MAMLD1: variants seen among roughly 807,000 people sequenced by gnomAD.
The protein encoded by MAMLD1 is mastermind-like domain-containing protein 1.
MAMLD1 carries 14 observed loss-of-function variants against 45.0 expected under a neutral mutation model. That is an observed-to-expected ratio of 0.31 (90% CI 0.21 to 0.49). The LOEUF (loss-of-function observed/expected upper bound fraction) is 0.49. Ranked by LOEUF, MAMLD1 falls within the 20% of genes least tolerant of loss-of-function variation. The pLI, the probability that MAMLD1 is intolerant of heterozygous loss-of-function variation, is 0.99. For missense variants in MAMLD1, 543 were observed against 603.6 expected (o/e 0.90, Z 1.05); for synonymous variants, 254 against 247.8 (o/e 1.02, Z -0.24).
Position 150,512,243 on chromosome X carries a change from C to A in MAMLD1, c.*284C>A, listed in dbSNP as rs2037921984. On this transcript the variant is annotated 3_prime_UTR_variant, in exon 8 of 8. Transcript: ENST00000370401. ...CATCCTCTCACACTCAGGCCAGACTCCCCTGGGCAGACTTGACTCTGTCTG... is the reference window on the plus strand; with the variant it reads ...CATCCTCTCACACTCAGGCCAGACTACCCTGGGCAGACTTGACTCTGTCTG... 1.8e-6 allele frequency: 2 copies of A among 1,115,320 alleles called. No homozygotes were observed. The allele number at this position is 1,115,320 out of a possible 1,213,427, so 91.9% of individuals were successfully genotyped here.
chrX:150,428,185 G>A (rs2124566773), intron 1 of MAMLD1, among the ~76,000 whole-genome samples: 1 of 111,433 alleles, frequency 9.0e-6, no homozygotes, highest in Non-Finnish European at 1.9e-5. Flanking sequence ...AGAGCCTGAT[G>A]TGGGAAAAGA....
rs1313079728 is a variant in MAMLD1 at position 150,470,727 on chromosome X, A to G, written c.1154A>G (p.Asn385Ser). ...LSGSTLRGSP[N>S]ALLSSMTSSS... ...GGTAGCACTCTCCGAGGCTCTCCCA[A>G]TGCCTTACTGTCAAGCATGACGTCC... Residue 385 changes from asparagine (N) to serine (S), a missense_variant, in exon 4 of 8, where the codon AAT becomes AGT. By Grantham distance (46) the Asn-to-Ser change is conservative (BLOSUM62 1). Transcript: ENST00000370401. The G allele has an allele frequency of 1.7e-6, 2 of 1,211,644 alleles. No individual in the cohort carries two copies. The highest frequency in any genetic ancestry group is 5.9e-5 in the East Asian group (2 of 33,836).
chrX:150,402,683 C>T (rs1286425167), intron 1 of MAMLD1, among the ~76,000 whole-genome samples: 4 of 112,141 alleles, frequency 3.6e-5, no homozygotes, highest in Non-Finnish European at 7.5e-5. Context: ...AAATGTCCAA[C>T]AGTGATAGAC....
chrX:150,505,977 C>A (rs782608876), intron 6 of MAMLD1, among the ~76,000 whole-genome samples: 1 of 112,729 alleles, frequency 8.9e-6, no homozygotes, highest in South Asian at 3.7e-4. Flanking sequence ...GGGGTCCCCA[C>A]AACTCAGATC....
rs782384262 is a variant in MAMLD1 at position 150,479,255 on chromosome X, G to A, written c.2040+5453G>A. Among the ~76,000 whole-genome samples, 36 of 111,615 alleles carry A rather than the reference G, an allele frequency of 3.2e-4. No individual in the cohort carries two copies. The South Asian group carries it at 0.014, about 42-fold the overall frequency. On this transcript the variant is annotated intron_variant, in intron 5 of 7. Transcript: ENST00000370401. ...AAGTGAGACGACACTTTCAAATGAA[G>A]GTGACTTTACATTGTTCCCCTGGAG...
At chrX:150,449,951 G>A (rs1557404983) in intron 2 of MAMLD1, among the ~76,000 whole-genome samples, 1 of 111,737 alleles carries the variant, frequency 8.9e-6, no homozygotes, top group African/African-American at 3.3e-5. Context: ...CTTCCCCAGG[G>A]TGGAGACTGA....
Position 150,368,323 on chromosome X carries a change from T to G in MAMLD1, c.-64+4793T>G, listed in dbSNP as rs781898399. 9.3e-3 allele frequency among the ~76,000 whole-genome samples: 1,039 copies of G among 111,567 alleles called. 9 individuals are homozygous for G. The highest frequency in any genetic ancestry group is 0.033 in the African/African-American group (1,006 of 30,743). The stretch of plus-strand genomic sequence containing the variant: ...CTCTGATGGCCAGTGATGATGAGCA[T>G]TTTTTCATGTGTCTGCTGGCTGCGT... On this transcript the variant is annotated intron_variant, in intron 1 of 7. Coordinates refer to ENST00000370401, the MANE Select transcript of MAMLD1 (RefSeq NM_005491.5).
intron 5 of MAMLD1, among the ~76,000 whole-genome samples, chrX:150,498,884 C>A (rs1220987892): frequency 8.9e-6 from 1 of 112,402 alleles, no homozygotes; most frequent in Non-Finnish European, 1.9e-5. Flanking sequence ...AGCCAAGAAG[C>A]GTGACTTACA....
At chrX:150,423,661 A>G (rs1207136542) in intron 1 of MAMLD1, among the ~76,000 whole-genome samples, 4 of 110,061 alleles carry the variant, frequency 3.6e-5, no homozygotes, top group Non-Finnish European at 7.6e-5. Flanking sequence ...AATGAGTGGT[A>G]TGTTGTGTCC....
chrX:150,489,283 C>A (rs1557407812), intron 5 of MAMLD1, among the ~76,000 whole-genome samples: 1 of 110,779 alleles, frequency 9.0e-6, no homozygotes, highest in East Asian at 2.9e-4. Context: ...AGGCTGGGAA[C>A]TTCAAGATCA....
At chrX:150,445,739 A>T in intron 2 of MAMLD1, 127 bp downstream of exon 2, 1 of 515,391 alleles carries the variant, frequency 1.9e-6, no homozygotes, top group Non-Finnish European at 3.3e-6. Flanking sequence ...AATATAAGGA[A>T]TTCAAATGTG....
chrX:150,430,663 T>C (rs2034906581), intron 1 of MAMLD1, among the ~76,000 whole-genome samples: 1 of 112,216 alleles, frequency 8.9e-6, no homozygotes, highest in African/African-American at 3.2e-5. Context: ...GTATAAGGTA[T>C]AGATTGAAGT....
chrX:150,476,263 T>C (rs1259108251), intron 5 of MAMLD1, among the ~76,000 whole-genome samples: 7 of 112,026 alleles, frequency 6.2e-5, no homozygotes, highest in Non-Finnish European at 1.3e-4. Context: ...TATATCTTGA[T>C]GTTTAATCAG....
At chrX:150,468,626 G>A (rs2036300082) in intron 3 of MAMLD1, among the ~76,000 whole-genome samples, 2 of 110,869 alleles carry the variant, frequency 1.8e-5, no homozygotes, top group Non-Finnish European at 3.8e-5. Context: ...ACTGTATGAA[G>A]CCATGAAGAG....
intron 1 of MAMLD1, among the ~76,000 whole-genome samples, chrX:150,424,691 G>T (rs1156979783): frequency 8.9e-6 from 1 of 112,434 alleles, no homozygotes; most frequent in Non-Finnish European, 1.9e-5. Flanking sequence ...TCAAATTAGA[G>T]CAAAGAGTGA....
At chrX:150,388,073 A>G (rs190159565) in intron 1 of MAMLD1, among the ~76,000 whole-genome samples, 1 of 112,032 alleles carries the variant, frequency 8.9e-6, no homozygotes, top group East Asian at 2.8e-4. Context: ...TCTACTTTCT[A>G]GAAGACATTA....
chrX:150,452,636 T>A (rs1328919862), intron 2 of MAMLD1, among the ~76,000 whole-genome samples: 3 of 109,062 alleles, frequency 2.8e-5, no homozygotes, highest in African/African-American at 1.0e-4. Context: ...AGTTTTAGGG[T>A]ACATGTGCAC....
At chrX:150,398,345 AAGAGGAAGAG>A (rs2033599504) in intron 1 of MAMLD1, among the ~76,000 whole-genome samples, 2 of 99,068 alleles carry the variant, frequency 2.0e-5, no homozygotes, top group African/African-American at 8.5e-5. Flanking sequence ...GAAGAAGAGG[AAGAGGAAGAG>A]GAAGAGGAAG....
intron 1 of MAMLD1, among the ~76,000 whole-genome samples, chrX:150,371,111 G>A (rs782379001): frequency 4.0e-4 from 44 of 110,981 alleles, no homozygotes; most frequent in Non-Finnish European, 8.1e-4. Flanking sequence ...AGTCCTGCCC[G>A]GCTGCCCTCT....
Sources: allele counts gnomAD v4.1 joint callset (sites outside exome capture counted in the v4.1 genomes callset), GRCh38; gene constraint gnomAD v4.1.1; transcripts MANE v1.5; gene names NCBI Gene and HGNC (gene_info 2026-07-23, HGNC 2026-07-21).